VPS51: variants seen among roughly 807,000 people sequenced by gnomAD.
The protein encoded by VPS51 is VPS51 subunit of GARP complex.
VPS51 carries 55 observed loss-of-function variants against 65.1 expected under a neutral mutation model. The observed-to-expected ratio is 0.84, with a 90% CI of 0.68 to 1.06. The LOEUF (loss-of-function observed/expected upper bound fraction) is 1.06. VPS51 is among the 50% of genes least tolerant of loss of function. VPS51 has a pLI of 0.00. For missense variants in VPS51, 943 were observed against 1,101.6 expected (o/e 0.86, Z 2.04); for synonymous variants, 473 against 489.5 (o/e 0.97, Z 0.44).
rs752798483 is a variant in VPS51 at position 65,108,292 on chromosome 11, C to G, written c.821C>G (p.Ala274Gly). 7 of 1,602,226 alleles carry G rather than the reference C, an allele frequency of 4.4e-6. No homozygotes were observed. Among genetic ancestry groups the G allele is most frequent in the Non-Finnish European group, 6.0e-6 (7 of 1,175,334 alleles). ...PAEELCEEFL[A>G]HARGRLEKEL... ...GAGGAGCTGTGCGAGGAGTTCCTGG[C>G]GCACGCCCGCGGCCGGCTGGAGAAG... The change falls in exon 5 of 10, where the codon GCG becomes GGG. Residue 274 changes from alanine (A) to glycine (G), a missense_variant. Around this residue, in one of 2 missense-constraint regions of VPS51, gnomAD observed 855 missense variants for 953.7 expected, o/e 0.90. Coordinates refer to ENST00000279281, the MANE Select transcript of VPS51 (RefSeq NM_013265.4).
chr11:65,108,390 G>A lies in VPS51; in HGVS notation c.919G>A (p.Gly307Arg), dbSNP rs753210905. 6.8e-6 allele frequency: 11 copies of A among 1,612,286 alleles called. No homozygotes were observed. The African/African-American group carries it at 8.0e-5, about 12-fold the overall frequency. ...APDVLEFTDH[G>R]GSGFVGGLCQ... is the part of the protein sequence containing the mutation. ...CGACGTGTTAGAGTTCACCGACCATGGAGGCAGTGGCTTCGTGGGCGGCCT... is the reference window on the plus strand; with the variant it reads ...CGACGTGTTAGAGTTCACCGACCATAGAGGCAGTGGCTTCGTGGGCGGCCT... Residue 307 changes from glycine to arginine, a missense_variant, in exon 5 of 10, where the codon GGA (glycine) becomes AGA (arginine). Gly to Arg is a moderately radical substitution (Grantham distance 125). This residue lies in a region of VPS51 where 855 missense variants were observed against 953.7 expected (regional missense o/e 0.90). Coordinates refer to ENST00000279281, the MANE Select transcript of VPS51 (RefSeq NM_013265.4).
At position 65,109,313 on chromosome 11, in the gene VPS51, C is replaced by T. The variant is rs759045226; in HGVS notation, c.1477C>T (p.Leu493Phe). The change falls in exon 6 of 10, where the codon CTC becomes TTC. Residue 493 changes from leucine to phenylalanine, a missense_variant. Leu to Phe is a conservative substitution (Grantham distance 22). Coordinates refer to ENST00000279281, the MANE Select transcript of VPS51 (RefSeq NM_013265.4). ...CTGCAGTCAGGGTGTCCGTGAGGGC[C>T]TCATCGTGGGCTTCGTCCACTCTAT... The part of the protein sequence containing the change: ...EFCSQGVREG[L>F]IVGFVHSMCQ... The T allele has an allele frequency of 1.9e-6, 3 of 1,613,176 alleles. No individual in the cohort carries two copies. Among genetic ancestry groups the T allele is most frequent in the Admixed American group, 1.7e-5 (1 of 59,982 alleles).
At position 65,107,415 on chromosome 11, in the gene VPS51, C is replaced by T; in HGVS notation, c.359-166C>T. 1.3e-6 allele frequency: 1 copy of T among 769,802 alleles called. No individual in the cohort carries two copies. Among genetic ancestry groups the T allele is most frequent in the Non-Finnish European group, 2.1e-6 (1 of 482,496 alleles). The allele number at this position is 769,802 out of a possible 1,614,324, so 47.7% of individuals were successfully genotyped here. A position where few individuals can be genotyped will look rare whatever the true frequency, so the allele number is the denominator to read the frequency against. On this transcript the variant is annotated intron_variant, in intron 2 of 9. Transcript: ENST00000279281. This position sits in a 1 kb window ranked among gnomAD's most constrained non-coding sequence, Gnocchi z 4.0. ...TGGGAACATAAACCCCCTCCCCCGC[C>T]CCCATGTGCGCTGTGACCCACGCCC...
chr11:65,104,906 T>A (rs886135204), intron 2 of VPS51, among the ~76,000 whole-genome samples: 46 of 152,206 alleles, frequency 3.0e-4, no homozygotes, highest in African/African-American at 1.0e-3. Context: ...GGACCTTTCT[T>A]TCACAACATT....
In VPS51 at chr11:65,097,057, G is replaced by C; in HGVS notation, c.288G>C (p.Gln96His). ...LMDSETDMVR[Q>H]IRALDSDMQT... ...ACAGTGAGACGGACATGGTGCGGCA[G>C]ATCCGGGCTCTAGACAGCGACATGC... The change falls in exon 2 of 10, where the codon CAG becomes CAC. Residue 96 changes from glutamine (Q) to histidine (H), a missense_variant. Physicochemically the swap from Gln to His is conservative, Grantham distance 24. Transcript: ENST00000279281. The C allele has an allele frequency of 6.2e-7, 1 of 1,614,048 alleles. No individual in the cohort carries two copies. The highest frequency in any genetic ancestry group is 8.5e-7 in the Non-Finnish European group (1 of 1,180,020).
At chr11:65,100,653 C>T (rs1331173973) in intron 2 of VPS51, among the ~76,000 whole-genome samples, 1 of 151,696 alleles carries the variant, frequency 6.6e-6, no homozygotes, top group Admixed American at 6.6e-5. Context: ...GCCTCAGCCT[C>T]CTGAGTAGCT....
chr11:65,102,879 C>T (rs1947818253), intron 2 of VPS51, among the ~76,000 whole-genome samples: 2 of 152,184 alleles, frequency 1.3e-5, no homozygotes, highest in Non-Finnish European at 2.9e-5. Context: ...CAGTGGCTCA[C>T]TCCTGTGCTC....
chr11:65,097,105 C>T lies in VPS51; in HGVS notation c.336C>T (p.Tyr112=). Residue 112 remains tyrosine, a synonymous_variant, in exon 2 of 10, where the codon TAC becomes TAT. Transcript: ENST00000279281. Reference sequence around the variant, plus strand: ...TGCAGACCCTGGTCTATGAGAACTACAACAAGTTCATCTCAGCCACAGGTG... The same window carrying T: ...TGCAGACCCTGGTCTATGAGAACTATAACAAGTTCATCTCAGCCACAGGTG... ...SDMQTLVYEN[Y]NKFISATDTI... is the part of the protein sequence containing the mutation. 1 of 1,613,910 alleles carries T rather than the reference C, an allele frequency of 6.2e-7. No homozygotes were observed. The highest frequency in any genetic ancestry group is 1.1e-5 in the South Asian group (1 of 91,040).
At chr11:65,111,155 C>CT (rs1565318690) in intron 9 of VPS51, 172 bp from the exon 10 acceptor site, 1 of 1,023,492 alleles carries the variant, frequency 9.8e-7, no homozygotes. Context: ...GTCCCCTGCC[C>CT]TCCAGATGAC....
chr11:65,109,761 G>C lies in VPS51; in HGVS notation c.1716G>C (p.Ala572=), dbSNP rs764286509. The C allele has an allele frequency of 1.3e-6, 2 of 1,598,564 alleles. No homozygotes were observed. Among genetic ancestry groups the C allele is most frequent in the Non-Finnish European group, 1.7e-6 (2 of 1,173,396 alleles). The change falls in exon 7 of 10, where the codon GCG becomes GCC. Residue 572 remains alanine, a synonymous_variant. Transcript: ENST00000279281. ...STLCAEARET[A]RRLLTHYVKV... ...TGTGTGCAGAGGCCAGGGAAACGGC[G>C]CGGCGGCTGCTGACCCACTACGTGA...
rs1226190069 is a variant in VPS51 at position 65,111,704 on chromosome 11, T to C, written c.*117T>C. On this transcript the variant is annotated 3_prime_UTR_variant, in exon 10 of 10. Coordinates refer to ENST00000279281, the MANE Select transcript of VPS51 (RefSeq NM_013265.4). ...ACCGGCCTAATAAACATGTGTGGCC[T>C]CCTCCTCTCGCTTGCTGGGCGGGCC... 1.4e-6 allele frequency: 2 copies of C among 1,403,338 alleles called. No homozygotes were observed. The highest frequency in any genetic ancestry group is 1.9e-6 in the Non-Finnish European group (2 of 1,066,784). 86.9% of individuals were successfully genotyped at this position (1,403,338 alleles called of 1,614,324 possible).
intron 2 of VPS51, among the ~76,000 whole-genome samples, chr11:65,098,608 G>C (rs1046156603): frequency 6.6e-6 from 1 of 152,186 alleles, no homozygotes; most frequent in East Asian, 1.9e-4. Flanking sequence ...TCTTACTCTC[G>C]TGTCACAGTG....
chr11:65,102,757 C>T (rs748156262), intron 2 of VPS51, among the ~76,000 whole-genome samples: 1 of 152,180 alleles, frequency 6.6e-6, no homozygotes, highest in Non-Finnish European at 1.5e-5. Flanking sequence ...GATCCCTTTA[C>T]GAACCTCAGC....
At chr11:65,102,518 TA>T (rs1415620722) in intron 2 of VPS51, among the ~76,000 whole-genome samples, 1 of 152,230 alleles carries the variant, frequency 6.6e-6, no homozygotes, top group Non-Finnish European at 1.5e-5. Flanking sequence ...GTTTGGATTT[TA>T]CCCTTTAGAA....
intron 2 of VPS51, 77 bp downstream of exon 2, chr11:65,097,204 G>T: frequency 6.3e-7 from 1 of 1,587,162 alleles, no homozygotes; most frequent in Non-Finnish European, 8.6e-7. Flanking sequence ...ACCAGCAAGG[G>T]ATTTAGAGGG....
chr11:65,111,246 C>T (rs756315865), intron 9 of VPS51, 81 bp from the exon 10 acceptor site: 2 of 1,585,626 alleles, frequency 1.3e-6, no homozygotes, highest in South Asian at 2.2e-5. Flanking sequence ...TCGTATGTCT[C>T]CCGGGCCCCT....
rs752502023 is a variant in VPS51 at position 65,109,756 on chromosome 11, A to G, written c.1711A>G (p.Thr571Ala). The G allele has an allele frequency of 1.9e-6, 3 of 1,597,454 alleles. No individual in the cohort carries two copies. Among genetic ancestry groups the G allele is most frequent in the Non-Finnish European group, 1.7e-6 (2 of 1,172,576 alleles). ...VSTLCAEARE[T>A]ARRLLTHYVK... ...CACGCTGTGTGCAGAGGCCAGGGAA[A>G]CGGCGCGGCGGCTGCTGACCCACTA... Residue 571 changes from threonine to alanine, a missense_variant, in exon 7 of 10, where the codon ACG becomes GCG. Thr to Ala is a moderately conservative substitution (Grantham distance 58). Around this residue, in one of 2 missense-constraint regions of VPS51, gnomAD observed 855 missense variants for 953.7 expected, o/e 0.90. Coordinates refer to ENST00000279281, the MANE Select transcript of VPS51 (RefSeq NM_013265.4).
chr11:65,110,938 G>A (rs1295948879), intron 9 of VPS51, 157 bp downstream of exon 9: 2 of 833,054 alleles, frequency 2.4e-6, no homozygotes, highest in East Asian at 2.6e-5. Flanking sequence ...AGGTAGTACA[G>A]AGTGCCCTGC....
chr11:65,109,853 C>T lies in VPS51; in HGVS notation c.1808C>T (p.Thr603Ile), dbSNP rs960545712. 6.2e-7 allele frequency: 1 copy of T among 1,612,004 alleles called. No homozygotes were observed. ...KSVETRDWLSTLEPRNVRAVM... is the reference protein window; with the variant it reads ...KSVETRDWLSILEPRNVRAVM... ...GTGGAGACTCGCGACTGGCTCAGCACTCTGGAGCCCCGGAATGTGCGGGCC... is the reference window on the plus strand; with the variant it reads ...GTGGAGACTCGCGACTGGCTCAGCATTCTGGAGCCCCGGAATGTGCGGGCC... Residue 603 changes from threonine (T) to isoleucine (I), a missense_variant, in exon 7 of 10, where the codon ACT becomes ATT. Physicochemically the swap from Thr to Ile is moderately conservative, Grantham distance 89. Transcript: ENST00000279281.
Sources: allele counts gnomAD v4.1 joint callset (sites outside exome capture counted in the v4.1 genomes callset), GRCh38; gene constraint gnomAD v4.1.1; regional missense constraint gnomAD v4.1.1; non-coding constraint Gnocchi (gnomAD v3.1); transcripts MANE v1.5; gene names NCBI Gene and HGNC (gene_info 2026-07-23, HGNC 2026-07-21).